Variants in NPAS3 observed in about 807,000 individuals in gnomAD.
The protein encoded by NPAS3 is neuronal PAS domain-containing protein 3.
Under a neutral mutation model 73.1 loss-of-function variants are expected in NPAS3, and 14 were observed. That is an observed-to-expected ratio of 0.19 (90% CI 0.13 to 0.30). NPAS3 has a LOEUF of 0.30. NPAS3 is among the 10% of genes least tolerant of loss of function. The probability of loss-of-function intolerance (pLI) is 1.00; values close to 1 mark genes in which losing one functional copy is unlikely to be tolerated. For synonymous variants in NPAS3, 620 were observed against 541.5 expected, an observed-to-expected ratio of 1.14 and a Z score of -2.01; for missense variants, 1,096 against 1,250.0, an observed-to-expected ratio of 0.88 and a Z score of 1.86.
chr14:33,558,936 T>A (rs916839268), intron 4 of NPAS3, among the ~76,000 whole-genome samples: 1 of 151,144 alleles, frequency 6.6e-6, no homozygotes, highest in Non-Finnish European at 1.5e-5. Flanking sequence ...TAAAAATAAC[T>A]ATAAAGCAAA....
intron 8 of NPAS3, among the ~76,000 whole-genome samples, chr14:33,777,570 A>AC (rs554857413): frequency 5.2e-4 from 79 of 152,252 alleles, no homozygotes; most frequent in African/African-American, 1.8e-3. Context: ...TAAAAAAAAA[A>AC]AACACATGAA....
At chr14:33,669,502 A>C (rs1039844466) in intron 5 of NPAS3, among the ~76,000 whole-genome samples, 1 of 152,218 alleles carries the variant, frequency 6.6e-6, no homozygotes, top group Non-Finnish European at 1.5e-5. Flanking sequence ...TTGACACATG[A>C]ATACTGTTCT....
chr14:33,515,983 CT>C (rs2053276096), intron 4 of NPAS3, among the ~76,000 whole-genome samples: 1 of 152,090 alleles, frequency 6.6e-6, no homozygotes, highest in Non-Finnish European at 1.5e-5. Flanking sequence ...TAGCTAAGCC[CT>C]ATTTAACACT....
At chr14:32,992,249 T>A (rs775638654) in intron 1 of NPAS3, among the ~76,000 whole-genome samples, 6 of 152,244 alleles carry the variant, frequency 3.9e-5, no homozygotes, top group Non-Finnish European at 5.9e-5. Context: ...TTCTAGGTGG[T>A]ACCTGTGGTT....
chr14:33,409,694 G>A (rs940703012), intron 4 of NPAS3, among the ~76,000 whole-genome samples: 1 of 152,172 alleles, frequency 6.6e-6, no homozygotes, highest in African/African-American at 2.4e-5. Flanking sequence ...GATTCCAGAA[G>A]AGTCTGGCCC....
chr14:33,459,441 C>A (rs930637771), intron 4 of NPAS3, among the ~76,000 whole-genome samples: 2 of 152,170 alleles, frequency 1.3e-5, no homozygotes, highest in African/African-American at 2.4e-5. Context: ...AGAAAGTCTG[C>A]ACATTTAGTT....
intron 2 of NPAS3, among the ~76,000 whole-genome samples, chr14:33,123,549 T>C (rs939490960): frequency 2.0e-4 from 31 of 151,796 alleles, no homozygotes; most frequent in African/African-American, 7.5e-4. Flanking sequence ...AAAGAAGCAG[T>C]GGAGAGGGAG....
intron 5 of NPAS3, among the ~76,000 whole-genome samples, chr14:33,640,460 CAAA>C (rs1158949043): frequency 1.3e-5 from 2 of 151,384 alleles, no homozygotes; most frequent in Non-Finnish European, 2.9e-5. Flanking sequence ...AAGAGTATCT[CAAA>C]AAAAAGTTTA....
intron 2 of NPAS3, among the ~76,000 whole-genome samples, chr14:33,205,299 A>G (rs1387231463): frequency 6.6e-6 from 1 of 152,154 alleles, no homozygotes; most frequent in Non-Finnish European, 1.5e-5. Context: ...CTTGTTCAGT[A>G]TCTTGAGAAT....
intron 6 of NPAS3, among the ~76,000 whole-genome samples, chr14:33,702,804 G>A (rs184854754): frequency 6.6e-6 from 1 of 152,292 alleles, no homozygotes; most frequent in Admixed American, 6.5e-5. Flanking sequence ...GCAAACTTGT[G>A]TTACAACCAC....
chr14:33,233,480 A>T (rs2139786748), intron 3 of NPAS3, among the ~76,000 whole-genome samples: 1 of 152,244 alleles, frequency 6.6e-6, no homozygotes, highest in African/African-American at 2.4e-5. Context: ...GTTGCTAATG[A>T]TTCATTTTAA....
At chr14:33,785,434 CA>C (rs1223437695) in intron 9 of NPAS3, among the ~76,000 whole-genome samples, 2,213 of 75,354 alleles carry the variant, frequency 0.029, 19 homozygotes, top group African/African-American at 0.065. Flanking sequence ...GACTCCATCT[CA>C]AAAAAAAAAA....
chr14:32,939,053 C>G (rs1222108852), upstream of NPAS3, among the ~76,000 whole-genome samples: 2 of 145,816 alleles, frequency 1.4e-5, no homozygotes, highest in African/African-American at 4.9e-5. Flanking sequence ...GAGGGGACGG[C>G]CGGCCGCCCG....
At position 33,689,346 on chromosome 14, in the gene NPAS3, G is replaced by C. The variant is rs28403973; in HGVS notation, c.733+12961G>C. ...ATAATGAGTTTAATACATACAAAATGCTTAAAACAGTAGTACGGCACAGAG... is the reference window on the plus strand; with the variant it reads ...ATAATGAGTTTAATACATACAAAATCCTTAAAACAGTAGTACGGCACAGAG... On this transcript the variant is annotated intron_variant, in intron 6 of 11. Coordinates refer to ENST00000356141, the Ensembl canonical transcript of NPAS3. 9.7e-3 allele frequency among the ~76,000 whole-genome samples: 1,484 copies of C among 152,208 alleles called. 19 individuals are homozygous for C. The highest frequency in any genetic ancestry group is 0.034 in the African/African-American group (1,414 of 41,526).
intron 4 of NPAS3, among the ~76,000 whole-genome samples, chr14:33,462,019 G>A (rs573359798): frequency 2.0e-5 from 3 of 152,286 alleles, no homozygotes; most frequent in Admixed American, 2.0e-4. Context: ...CTGCCTTTCA[G>A]CCACAGATAA....
At chr14:33,696,747 G>A (rs2060393642) in intron 6 of NPAS3, among the ~76,000 whole-genome samples, 1 of 152,162 alleles carries the variant, frequency 6.6e-6, no homozygotes, top group African/African-American at 2.4e-5. Context: ...CAAAGTCCTG[G>A]TTGCTAGTAA....
At chr14:33,281,860 A>T (rs1049934934) in intron 3 of NPAS3, among the ~76,000 whole-genome samples, 10 of 152,172 alleles carry the variant, frequency 6.6e-5, no homozygotes, top group African/African-American at 2.4e-4. Context: ...TTTTAATTTT[A>T]CTTGTGCAAA....
At chr14:33,118,514 A>G (rs1413020885) in intron 2 of NPAS3, among the ~76,000 whole-genome samples, 1 of 152,134 alleles carries the variant, frequency 6.6e-6, no homozygotes, top group East Asian at 1.9e-4. Flanking sequence ...TGCTTTTTCC[A>G]TACGGTCTGT....
intron 3 of NPAS3, among the ~76,000 whole-genome samples, chr14:33,260,605 A>G (rs2048941329): frequency 6.6e-6 from 1 of 151,946 alleles, no homozygotes; most frequent in Non-Finnish European, 1.5e-5. Flanking sequence ...TTGCTATAAC[A>G]TCTAATCTTT....
Sources: allele counts gnomAD v4.1 joint callset (sites outside exome capture counted in the v4.1 genomes callset), GRCh38; gene constraint gnomAD v4.1.1; transcripts MANE v1.5; gene names NCBI Gene and HGNC (gene_info 2026-07-23, HGNC 2026-07-21).